LAMA3: variants seen among roughly 807,000 people sequenced by gnomAD.
LAMA3 encodes the protein laminin subunit alpha-3.
Under a neutral mutation model 402.0 loss-of-function variants are expected in LAMA3, and 281 were observed. That is an observed-to-expected ratio of 0.70 (90% CI 0.63 to 0.77). The LOEUF (loss-of-function observed/expected upper bound fraction) is 0.77. LAMA3 is among the 30% of genes least tolerant of loss of function. The pLI, the probability that LAMA3 is intolerant of heterozygous loss-of-function variation, is 0.00. For synonymous variants in LAMA3, 1,431 were observed against 1,558.4 expected, an observed-to-expected ratio of 0.92 and a Z score of 1.93; for missense variants, 3,840 against 4,215.5, an observed-to-expected ratio of 0.91 and a Z score of 2.47.
At chr18:23,916,784 T>A in intron 60 of LAMA3, 89 bp downstream of exon 60, 1 of 1,269,848 alleles carries the variant, frequency 7.9e-7, no homozygotes, top group South Asian at 1.2e-5. Context: ...AATGACCCAC[T>A]AGATCTGGAA....
intron 37 of LAMA3, among the ~76,000 whole-genome samples, chr18:23,868,287 T>G (rs1422417446): frequency 6.6e-6 from 1 of 152,216 alleles, no homozygotes; most frequent in Non-Finnish European, 1.5e-5. Flanking sequence ...TTGTATAGAT[T>G]CAAAACATGA....
At chr18:23,865,932 A>G (rs1260688975) in intron 36 of LAMA3, among the ~76,000 whole-genome samples, 4 of 152,176 alleles carry the variant, frequency 2.6e-5, no homozygotes, top group Non-Finnish European at 5.9e-5. Context: ...TCCCTGGTTC[A>G]AGCAATTCTC....
intron 62 of LAMA3, among the ~76,000 whole-genome samples, chr18:23,926,780 G>A (rs1017551121): frequency 2.0e-5 from 3 of 152,218 alleles, no homozygotes; most frequent in African/African-American, 7.2e-5. Context: ...AAGTCAAATC[G>A]AAGGGGAAAT....
chr18:23,922,767 C>T (rs535051063), intron 62 of LAMA3, among the ~76,000 whole-genome samples: 3 of 152,178 alleles, frequency 2.0e-5, no homozygotes, highest in East Asian at 3.9e-4. Flanking sequence ...AAAATAAAAT[C>T]GTTTAAGGTA....
At position 23,943,248 on chromosome 18, in the gene LAMA3, C is replaced by T. The variant is rs528675124; in HGVS notation, c.9027-540C>T. Among the ~76,000 whole-genome samples the T allele has an allele frequency of 1.1e-4, 17 of 152,238 alleles. No individual in the cohort carries two copies. In the South Asian group the frequency reaches 3.5e-3, roughly 32 times the overall value. ...AGGTATCTCAAGTAGTCGTGTTCAT[C>T]GAGAGAGAAAGTAGAGTGGTGGTTT... is the stretch of plus-strand genomic sequence containing the variant. On this transcript the variant is annotated intron_variant, in intron 68 of 74. Transcript: ENST00000313654.
intron 8 of LAMA3, among the ~76,000 whole-genome samples, chr18:23,768,332 A>C (rs2062123088): frequency 6.6e-6 from 1 of 152,234 alleles, no homozygotes; most frequent in South Asian, 2.1e-4. Flanking sequence ...GGCAAAAGAC[A>C]TGAACAGACA....
chr18:23,751,091 G>A lies in LAMA3; in HGVS notation c.855+3G>A, dbSNP rs1434401566. 1 of 1,614,020 alleles carries A rather than the reference G, an allele frequency of 6.2e-7. No individual in the cohort carries two copies. The highest frequency in any genetic ancestry group is 2.2e-5 in the East Asian group (1 of 44,884). ...GAGATCCAACTGTCACTCGGCGGGTGAGTAGTCAGAGCATTTGTTTTGTTA... is the reference window on the plus strand; with the variant it reads ...GAGATCCAACTGTCACTCGGCGGGTAAGTAGTCAGAGCATTTGTTTTGTTA... On this transcript the variant is annotated splice_donor_region_variant and intron_variant, in intron 5 of 74. Transcript: ENST00000313654.
intron 37 of LAMA3, among the ~76,000 whole-genome samples, chr18:23,869,542 G>A (rs1423674916): frequency 6.6e-6 from 1 of 152,114 alleles, no homozygotes; most frequent in Non-Finnish European, 1.5e-5. Context: ...ATTATTGTAT[G>A]TAAATTATTC....
At chr18:23,920,738 G>A (rs1027686112) in intron 60 of LAMA3, among the ~76,000 whole-genome samples, 197 bp from the exon 61 acceptor site, 1 of 152,168 alleles carries the variant, frequency 6.6e-6, no homozygotes, top group Non-Finnish European at 1.5e-5. Context: ...ACCACTGTGC[G>A]TGACATTTAA....
Position 23,842,526 on chromosome 18 carries a change from G to A in LAMA3, c.3463+5G>A. 6.2e-7 allele frequency: 1 copy of A among 1,614,234 alleles called. No individual in the cohort carries two copies. Among genetic ancestry groups the A allele is most frequent in the Non-Finnish European group, 8.5e-7 (1 of 1,180,048 alleles). On this transcript the variant is annotated splice_donor_5th_base_variant and intron_variant, in intron 28 of 74. Coordinates refer to ENST00000313654, the MANE Select transcript of LAMA3 (RefSeq NM_198129.4). ...ATGGCGGGTGGCCACGGGCAGGTGA[G>A]CTGCAGTGAGCAGGCCCTGCTGCCT...
chr18:23,771,253 C>T (rs1295438569), intron 8 of LAMA3, among the ~76,000 whole-genome samples: 1 of 152,096 alleles, frequency 6.6e-6, no homozygotes, highest in Non-Finnish European at 1.5e-5. Flanking sequence ...ATGGATGCAG[C>T]GACATGCAAG....
intron 1 of LAMA3, among the ~76,000 whole-genome samples, chr18:23,690,290 G>A (rs899325367): frequency 6.6e-6 from 1 of 152,206 alleles, no homozygotes; most frequent in African/African-American, 2.4e-5. Flanking sequence ...GGCCCTTCCC[G>A]CCTCCGTCAC....
At chr18:23,694,911 G>A (rs1303970811) in intron 1 of LAMA3, among the ~76,000 whole-genome samples, 1 of 152,124 alleles carries the variant, frequency 6.6e-6, no homozygotes, top group African/African-American at 2.4e-5. Flanking sequence ...GTTTCCTTGT[G>A]GAAGCTTGTC....
In LAMA3 at chr18:23,791,429, A is replaced by G. The variant is rs1454764496; in HGVS notation, c.1603+7272A>G. 2.6e-5 allele frequency among the ~76,000 whole-genome samples: 4 copies of G among 152,066 alleles called. No homozygotes were observed. The East Asian group carries it at 7.7e-4, about 29-fold the overall frequency. On this transcript the variant is annotated intron_variant, in intron 12 of 74. Transcript: ENST00000313654. ...GGGGGAAAAATGATAGATAATTGGGATTTCACAAATGTGTATGATAGGCCA... is the reference window on the plus strand; with the variant it reads ...GGGGGAAAAATGATAGATAATTGGGGTTTCACAAATGTGTATGATAGGCCA...
intron 42 of LAMA3, among the ~76,000 whole-genome samples, chr18:23,894,095 C>A (rs559972595): frequency 6.6e-6 from 1 of 151,504 alleles, no homozygotes; most frequent in Non-Finnish European, 1.5e-5. Context: ...GAAGAGCTAG[C>A]GATGCTGGGT....
chr18:23,760,048 T>C (rs2061937452), intron 7 of LAMA3, among the ~76,000 whole-genome samples: 1 of 152,238 alleles, frequency 6.6e-6, no homozygotes, highest in Non-Finnish European at 1.5e-5. Flanking sequence ...TATTTTTAAT[T>C]GAATTAACCA....
At chr18:23,942,578 T>C (rs1413457931) in intron 68 of LAMA3, among the ~76,000 whole-genome samples, 1 of 107,708 alleles carries the variant, frequency 9.3e-6, no homozygotes, top group Non-Finnish European at 1.9e-5. Context: ...ACTTGCACTC[T>C]GCTTTTTTTT....
chr18:23,848,198 G>T (rs917569404), intron 32 of LAMA3, among the ~76,000 whole-genome samples: 2 of 152,236 alleles, frequency 1.3e-5, no homozygotes, highest in Non-Finnish European at 2.9e-5. Context: ...TGGGAGTGAG[G>T]AGGGAGTCAG....
At chr18:23,944,477 A>G (rs1427747552) in intron 69 of LAMA3, among the ~76,000 whole-genome samples, 1 of 152,278 alleles carries the variant, frequency 6.6e-6, no homozygotes, top group Non-Finnish European at 1.5e-5. Context: ...TTAGTCATTC[A>G]GCTGCCTTCC....
Sources: allele counts gnomAD v4.1 joint callset (sites outside exome capture counted in the v4.1 genomes callset), GRCh38; gene constraint gnomAD v4.1.1; transcripts MANE v1.5; gene names NCBI Gene and HGNC (gene_info 2026-07-23, HGNC 2026-07-21).